The following BLTP3A variants were observed in gnomAD, a reference collection of about 807,000 sequenced individuals.
BLTP3A encodes bridge-like lipid transfer protein family member 3A, also known as ICBP90 binding protein 1.
At chr6:34,806,981 A>T in the BLTP3A span, among the ~76,000 whole-genome samples, 1 of 152,160 alleles carries the variant, frequency 6.6e-6, no homozygotes, top group Non-Finnish European at 1.5e-5. Context: ...CTTATCCAAT[A>T]GTGAATAACA....
At chr6:34,814,055 C>T in the BLTP3A span, among the ~76,000 whole-genome samples, 1 of 149,746 alleles carries the variant, frequency 6.7e-6, no homozygotes, top group African/African-American at 2.5e-5. Flanking sequence ...CTCGCTATGT[C>T]GCCCAGGCTG....
the BLTP3A span, among the ~76,000 whole-genome samples, chr6:34,832,502 CTT>C: frequency 6.6e-6 from 1 of 151,256 alleles, no homozygotes; most frequent in Non-Finnish European, 1.5e-5. Context: ...GTGGCGCAAT[CTT>C]GGCTCACTGC....
the BLTP3A span, among the ~76,000 whole-genome samples, chr6:34,832,649 C>T: frequency 6.6e-6 from 1 of 151,884 alleles, no homozygotes; most frequent in Admixed American, 6.6e-5. Context: ...GGGCATCTCC[C>T]TTTGTTGCCC....
At chr6:34,836,314 GC>G in the BLTP3A span, 3 of 1,614,146 alleles carry the variant, frequency 1.9e-6, no homozygotes, top group Non-Finnish European at 8.5e-7. Flanking sequence ...GCCTGGACCT[GC>G]ACATTTGTGA....
the BLTP3A span, chr6:34,859,307 A>G: frequency 1.9e-6 from 3 of 1,613,892 alleles, no homozygotes; most frequent in Non-Finnish European, 2.5e-6. Flanking sequence ...AGCAGAACCC[A>G]AGCCTCCAGC....
the BLTP3A span, among the ~76,000 whole-genome samples, chr6:34,795,942 G>A: frequency 6.6e-6 from 1 of 152,072 alleles, no homozygotes; most frequent in Non-Finnish European, 1.5e-5. Flanking sequence ...CCAAACTCCT[G>A]GGGCTTTTGT....
At chr6:34,848,108 A>T in the BLTP3A span, among the ~76,000 whole-genome samples, 6 of 141,942 alleles carry the variant, frequency 4.2e-5, no homozygotes, top group Admixed American at 1.4e-4. Context: ...TTTTGTAGAG[A>T]TGAGGTTTTG....
the BLTP3A span, among the ~76,000 whole-genome samples, chr6:34,846,820 A>G: frequency 6.6e-6 from 1 of 152,194 alleles, no homozygotes; most frequent in East Asian, 1.9e-4. Context: ...CAGTGGTGAA[A>G]GTGGGCATCC....
the BLTP3A span, among the ~76,000 whole-genome samples, chr6:34,861,626 A>G: frequency 1.2e-4 from 18 of 152,370 alleles, no homozygotes; most frequent in South Asian, 3.7e-3. Context: ...TGCATATAAT[A>G]TCCACAAATA....
chr6:34,862,440 A>G, the BLTP3A span, among the ~76,000 whole-genome samples: 1 of 152,236 alleles, frequency 6.6e-6, no homozygotes, highest in African/African-American at 2.4e-5. Flanking sequence ...GTCAAATGCT[A>G]CAAACATTTT....
chr6:34,805,083 C>T, the BLTP3A span, among the ~76,000 whole-genome samples: 19 of 151,894 alleles, frequency 1.3e-4, no homozygotes, highest in African/African-American at 1.9e-4. Flanking sequence ...GGGTTGAGCT[C>T]GGAAGTTCCA....
the BLTP3A span, among the ~76,000 whole-genome samples, chr6:34,863,709 G>A: frequency 1.3e-5 from 2 of 152,198 alleles, no homozygotes; most frequent in African/African-American, 4.8e-5. Flanking sequence ...GCAGTAGGTA[G>A]CTGGTCTCTT....
chr6:34,834,505 T>C, the BLTP3A span: 2 of 1,505,596 alleles, frequency 1.3e-6, no homozygotes, highest in South Asian at 1.3e-5. Flanking sequence ...TTTCCTCAAA[T>C]GTTCCCCATT....
the BLTP3A span, among the ~76,000 whole-genome samples, chr6:34,847,107 T>C: frequency 3.0e-4 from 46 of 152,344 alleles, no homozygotes; most frequent in African/African-American, 8.2e-4. Flanking sequence ...CTGGGATAAA[T>C]CCCTGTTGGT....
the BLTP3A span, among the ~76,000 whole-genome samples, chr6:34,847,284 G>T: frequency 1.3e-4 from 20 of 150,774 alleles, no homozygotes; most frequent in Admixed American, 4.0e-4. Context: ...TTTTTGATGT[G>T]TCTTTGTCTG....
chr6:34,795,947 T>A, the BLTP3A span, among the ~76,000 whole-genome samples: 3 of 152,134 alleles, frequency 2.0e-5, no homozygotes, highest in African/African-American at 7.2e-5. Flanking sequence ...CTCCTGGGGC[T>A]TTTGTGTTTG....
At chr6:34,805,495 AG>A in the BLTP3A span, among the ~76,000 whole-genome samples, 3 of 151,404 alleles carry the variant, frequency 2.0e-5, no homozygotes, top group Non-Finnish European at 4.4e-5. Context: ...TGGGAGGCTG[AG>A]GCAGGAGAAT....
chr6:34,834,903 T>C, the BLTP3A span: 22 of 1,596,800 alleles, frequency 1.4e-5, no homozygotes, highest in South Asian at 1.8e-4. Context: ...CCATCTCTTA[T>C]TCTATGAGAC....
At chr6:34,832,150 C>T in the BLTP3A span, among the ~76,000 whole-genome samples, 2 of 147,414 alleles carry the variant, frequency 1.4e-5, no homozygotes, top group Admixed American at 6.8e-5. Flanking sequence ...GACAAGGTCT[C>T]ACTCTGTCAC....
Sources: allele counts gnomAD v4.1 joint callset (sites outside exome capture counted in the v4.1 genomes callset), GRCh38; gene constraint gnomAD v4.1.1; transcripts MANE v1.5; gene names NCBI Gene and HGNC (gene_info 2026-07-23, HGNC 2026-07-21).